Variants in SCMH1 observed in about 807,000 individuals in gnomAD.
SCMH1 encodes Scm polycomb group protein homolog 1.
SCMH1 carries 37 observed loss-of-function variants against 70.8 expected under a neutral mutation model. The observed-to-expected ratio is 0.52, with a 90% confidence interval of 0.40 to 0.69. The LOEUF is 0.69. SCMH1 is among the 30% of genes least tolerant of loss of function. SCMH1 has a pLI of 0.00. For synonymous variants in SCMH1, 292 were observed against 307.4 expected, an observed-to-expected ratio of 0.95 and a Z score of 0.52; for missense variants, 607 against 827.3, an observed-to-expected ratio of 0.73 and a Z score of 3.27.
chr1:41,203,224 G>A (rs535102693), intron 1 of SCMH1, among the ~76,000 whole-genome samples: 22 of 151,976 alleles, frequency 1.4e-4, no homozygotes, highest in African/African-American at 3.1e-4. Flanking sequence ...TACTTGATCC[G>A]TATTTCAATT....
chr1:41,102,254 GT>G (rs1666821493), intron 8 of SCMH1, among the ~76,000 whole-genome samples: 1 of 152,226 alleles, frequency 6.6e-6, no homozygotes, highest in Non-Finnish European at 1.5e-5. Context: ...AATCCATTTG[GT>G]TTATCAGTTT....
intron 1 of SCMH1, among the ~76,000 whole-genome samples, chr1:41,228,267 G>C (rs761459089): frequency 9.9e-5 from 15 of 152,114 alleles, no homozygotes; most frequent in Non-Finnish European, 1.9e-4. Flanking sequence ...ACTCCACAAT[G>C]GGATGTATAA....
chr1:41,028,117 G>C, exon 15 of SCMH1: 1 of 1,583,458 alleles, frequency 6.3e-7, no homozygotes, highest in East Asian at 2.2e-5. Context: ...AGGTGCCTGG[G>C]GTGGGCTGAT....
chr1:41,092,930 G>A (rs1664057097), intron 8 of SCMH1, among the ~76,000 whole-genome samples: 1 of 152,224 alleles, frequency 6.6e-6, no homozygotes, highest in African/African-American at 2.4e-5. Flanking sequence ...TGGTGGGACT[G>A]TAAACTAGTT....
At chr1:41,183,662 A>C (rs1240579895) in intron 2 of SCMH1, among the ~76,000 whole-genome samples, 1 of 152,180 alleles carries the variant, frequency 6.6e-6, no homozygotes, top group Non-Finnish European at 1.5e-5. Flanking sequence ...AGAAAAAAAA[A>C]AGTTGTCTTT....
At chr1:41,062,226 C>A (rs550710242) in intron 10 of SCMH1, among the ~76,000 whole-genome samples, 15 of 152,054 alleles carry the variant, frequency 9.9e-5, no homozygotes, top group Non-Finnish European at 1.9e-4. Flanking sequence ...CAGAATGATA[C>A]ATGAAAAAAA....
chr1:41,221,221 G>T (rs1431864184), intron 1 of SCMH1, among the ~76,000 whole-genome samples: 1 of 152,170 alleles, frequency 6.6e-6, no homozygotes, highest in Non-Finnish European at 1.5e-5. Context: ...GAGATACAAA[G>T]TAAGAGTAGT....
At chr1:41,111,914 T>C (rs1240381300) in intron 8 of SCMH1, among the ~76,000 whole-genome samples, 2 of 152,226 alleles carry the variant, frequency 1.3e-5, no homozygotes, top group African/African-American at 4.8e-5. Flanking sequence ...TGTTCATTAT[T>C]TTCATTGTGG....
At chr1:41,033,873 G>T in intron 13 of SCMH1, 110 bp downstream of exon 14, 1 of 1,508,586 alleles carries the variant, frequency 6.6e-7, no homozygotes, top group Non-Finnish European at 9.0e-7. Flanking sequence ...GATGCTTAGG[G>T]AACAACAGTA....
At chr1:41,073,983 G>C (rs1657394241) in intron 9 of SCMH1, among the ~76,000 whole-genome samples, 1 of 152,032 alleles carries the variant, frequency 6.6e-6, no homozygotes, top group South Asian at 2.1e-4. Flanking sequence ...GTTCAGGCAG[G>C]AGATTCATCA....
chr1:41,182,100 C>CA (rs1306312913), intron 2 of SCMH1, among the ~76,000 whole-genome samples: 3 of 151,990 alleles, frequency 2.0e-5, no homozygotes, highest in Non-Finnish European at 2.9e-5. Flanking sequence ...ATCGCAAGGA[C>CA]AAAAAACCAA....
chr1:41,152,668 C>A (rs775673120), intron 4 of SCMH1: 1 of 1,614,144 alleles, frequency 6.2e-7, no homozygotes, highest in East Asian at 2.2e-5. Flanking sequence ...CTGTAGCAAA[C>A]CAGCATTTCT....
At chr1:41,210,901 C>A (rs1656861454) in intron 1 of SCMH1, among the ~76,000 whole-genome samples, 1 of 151,868 alleles carries the variant, frequency 6.6e-6, no homozygotes, top group Admixed American at 6.6e-5. Flanking sequence ...CCTCCGCCTC[C>A]CTGGCTCAAG....
At chr1:41,059,842 G>A (rs1397042118) in intron 10 of SCMH1, among the ~76,000 whole-genome samples, 2 of 152,046 alleles carry the variant, frequency 1.3e-5, no homozygotes, top group Non-Finnish European at 2.9e-5. Context: ...AGTGCACGGC[G>A]CTGAAAAGAC....
At chr1:41,103,093 T>C (rs1667021646) in intron 8 of SCMH1, among the ~76,000 whole-genome samples, 1 of 152,086 alleles carries the variant, frequency 6.6e-6, no homozygotes, top group Admixed American at 6.6e-5. Context: ...ATAACTGTAA[T>C]AGTTCCTCAA....
At chr1:41,092,759 G>A (rs1303766567) in intron 8 of SCMH1, among the ~76,000 whole-genome samples, 3 of 152,116 alleles carry the variant, frequency 2.0e-5, no homozygotes, top group African/African-American at 7.2e-5. Context: ...GCAGCCAACA[G>A]ACACATGAAA....
intron 10 of SCMH1, among the ~76,000 whole-genome samples, chr1:41,060,438 A>G (rs1467071298): frequency 6.6e-6 from 1 of 151,884 alleles, no homozygotes. Flanking sequence ...GTACCCTGCA[A>G]AACTGTTCTT....
intron 10 of SCMH1, among the ~76,000 whole-genome samples, chr1:41,066,065 C>T (rs1654493619): frequency 6.6e-6 from 1 of 152,160 alleles, no homozygotes; most frequent in Non-Finnish European, 1.5e-5. Flanking sequence ...CTAGTCCAAG[C>T]AGTAACAGCT....
At chr1:41,161,532 C>T (rs996336691) in intron 2 of SCMH1, 100 bp from the exon 3 acceptor site, 1 of 1,302,596 alleles carries the variant, frequency 7.7e-7, no homozygotes, top group Non-Finnish European at 1.0e-6. Context: ...TAAAGTAATC[C>T]ACTTCCGAGA....
Sources: allele counts gnomAD v4.1 joint callset (sites outside exome capture counted in the v4.1 genomes callset), GRCh38; gene constraint gnomAD v4.1.1; transcripts MANE v1.5; gene names NCBI Gene and HGNC (gene_info 2026-07-23, HGNC 2026-07-21).